CNTN1: variants seen among roughly 807,000 people sequenced by gnomAD.
The protein encoded by CNTN1 is contactin-1.
A neutral mutation model predicts 126.4 loss-of-function variants in CNTN1; 38 were observed. The ratio of observed to expected loss-of-function variants is 0.30; its 90% confidence interval spans 0.23 to 0.39. CNTN1 has a LOEUF of 0.39. Among genes scored for constraint, CNTN1 ranks in the 10% least tolerant of loss-of-function variants. The pLI is 1.00. For synonymous variants in CNTN1, 413 were observed against 422.6 expected (o/e 0.98, Z 0.28); for missense variants, 1,009 against 1,248.4 (o/e 0.81, Z 2.89).
intron 1 of CNTN1, among the ~76,000 whole-genome samples, chr12:40,828,973 C>A (rs371946443): frequency 6.6e-6 from 1 of 151,996 alleles, no homozygotes; most frequent in African/African-American, 2.4e-5. Flanking sequence ...AGTTTTATTT[C>A]TTGTTTTTTT....
At chr12:40,991,553 G>A (rs1266078585) in intron 16 of CNTN1, among the ~76,000 whole-genome samples, 1 of 152,170 alleles carries the variant, frequency 6.6e-6, no homozygotes, top group African/African-American at 2.4e-5. Context: ...ACCTTGGCCG[G>A]GTATGGTGGC....
In CNTN1 at chr12:40,903,216, G is replaced by A. The variant is rs115963965; in HGVS notation, c.-76-5141G>A. On this transcript the variant is annotated intron_variant, in intron 1 of 23. Transcript: ENST00000551295. ...TACCTGGCATAAGGCCTGGCTGGGTGTACAAGAGGTCACAGGGCTCTGAAG... is the reference window on the plus strand; with the variant it reads ...TACCTGGCATAAGGCCTGGCTGGGTATACAAGAGGTCACAGGGCTCTGAAG... 4.3e-3 allele frequency among the ~76,000 whole-genome samples: 657 copies of A among 152,274 alleles called. 4 individuals are homozygous for A. Among genetic ancestry groups the A allele is most frequent in the African/African-American group, 0.015 (615 of 41,554 alleles).
intron 1 of CNTN1, among the ~76,000 whole-genome samples, chr12:40,786,644 TA>T (rs1398597198): frequency 6.6e-6 from 1 of 152,076 alleles, no homozygotes; most frequent in Non-Finnish European, 1.5e-5. Context: ...CAGGATAAAT[TA>T]AAAGAAAATT....
intron 13 of CNTN1, 68 bp from the exon 14 acceptor site, chr12:40,943,927 T>C (rs1946347612): frequency 6.2e-6 from 9 of 1,449,818 alleles, no homozygotes; most frequent in Middle Eastern, 1.8e-4. Context: ...TGGTTATTAT[T>C]TTAATATACC....
intron 1 of CNTN1, among the ~76,000 whole-genome samples, chr12:40,824,605 C>A (rs1941548294): frequency 6.6e-6 from 1 of 152,114 alleles, no homozygotes; most frequent in South Asian, 2.1e-4. Context: ...CCCACAAAAA[C>A]CTAAAGAAAG....
intron 1 of CNTN1, among the ~76,000 whole-genome samples, chr12:40,904,248 G>A (rs1213688843): frequency 6.6e-6 from 1 of 152,006 alleles, no homozygotes; most frequent in African/African-American, 2.4e-5. Flanking sequence ...TCAATCTCCT[G>A]ACCTCGTGAT....
intron 1 of CNTN1, among the ~76,000 whole-genome samples, chr12:40,880,813 C>T (rs1943846088): frequency 1.3e-5 from 2 of 151,948 alleles, no homozygotes; most frequent in Non-Finnish European, 2.9e-5. Context: ...ATTTTCTTCT[C>T]AGGCTCCATG....
intron 12 of CNTN1, 59 bp downstream of exon 12, chr12:40,939,544 G>A (rs1408616467): frequency 1.3e-6 from 2 of 1,578,906 alleles, no homozygotes; most frequent in Admixed American, 1.7e-5. Flanking sequence ...TTATTTTATA[G>A]AAGACTTGTT....
At chr12:40,844,123 A>G (rs1942405172) in intron 1 of CNTN1, among the ~76,000 whole-genome samples, 1 of 120,602 alleles carries the variant, frequency 8.3e-6, no homozygotes. Flanking sequence ...GCTGGAGTGC[A>G]GTGGCACGAT....
chr12:41,030,745 A>G (rs1949129941), intron 23 of CNTN1, among the ~76,000 whole-genome samples: 1 of 152,220 alleles, frequency 6.6e-6, no homozygotes, highest in Admixed American at 6.5e-5. Flanking sequence ...CTTCAAAAAC[A>G]CTTACTAATT....
At chr12:40,967,793 G>A (rs1474134792) in intron 15 of CNTN1, among the ~76,000 whole-genome samples, 1 of 151,832 alleles carries the variant, frequency 6.6e-6, no homozygotes, top group African/African-American at 2.4e-5. Flanking sequence ...TGTGATGTAT[G>A]TTGGTAAAAT....
intron 3 of CNTN1, among the ~76,000 whole-genome samples, chr12:40,917,453 A>C (rs530675337): frequency 1.3e-5 from 2 of 152,288 alleles, no homozygotes; most frequent in South Asian, 2.1e-4. Flanking sequence ...CCAAAGGCAC[A>C]CTGATAATGT....
chr12:40,796,610 A>C (rs901230383), intron 1 of CNTN1, among the ~76,000 whole-genome samples: 11 of 152,104 alleles, frequency 7.2e-5, no homozygotes, highest in African/African-American at 2.7e-4. Flanking sequence ...CAAAATGAAG[A>C]CATCAAGCTG....
At chr12:40,710,233 T>A (rs891008388) in intron 1 of CNTN1, among the ~76,000 whole-genome samples, 2 of 152,052 alleles carry the variant, frequency 1.3e-5, no homozygotes, top group African/African-American at 4.8e-5. Flanking sequence ...AATTTCAATA[T>A]TGTTGTCTCA....
At chr12:40,812,131 T>C (rs1941088229) in intron 1 of CNTN1, among the ~76,000 whole-genome samples, 1 of 152,128 alleles carries the variant, frequency 6.6e-6, no homozygotes, top group South Asian at 2.1e-4. Flanking sequence ...AAGTTATCTT[T>C]TGATTTCTTT....
chr12:40,736,106 CTG>C (rs1199296258), intron 1 of CNTN1, among the ~76,000 whole-genome samples: 1 of 152,022 alleles, frequency 6.6e-6, no homozygotes, highest in Non-Finnish European at 1.5e-5. Context: ...AGGCAGCACT[CTG>C]TGAGCCAGGG....
At chr12:40,959,795 C>A (rs571668103) in intron 15 of CNTN1, among the ~76,000 whole-genome samples, 1 of 152,120 alleles carries the variant, frequency 6.6e-6, no homozygotes, top group East Asian at 1.9e-4. Flanking sequence ...TGGCCGCTGC[C>A]ATAGCAGTGA....
chr12:41,059,411 TAGAAAC>T (rs778448805), intron 23 of CNTN1, among the ~76,000 whole-genome samples: 1 of 152,198 alleles, frequency 6.6e-6, no homozygotes, highest in Non-Finnish European at 1.5e-5. Context: ...TTGAGGCTTT[TAGAAAC>T]CTCTAGTCAT....
At chr12:40,720,700 G>A (rs1222376710) in intron 1 of CNTN1, among the ~76,000 whole-genome samples, 2 of 152,060 alleles carry the variant, frequency 1.3e-5, no homozygotes, top group Non-Finnish European at 2.9e-5. Flanking sequence ...AAGCTAAGGC[G>A]AGTGGATCAC....
Sources: allele counts gnomAD v4.1 joint callset (sites outside exome capture counted in the v4.1 genomes callset), GRCh38; gene constraint gnomAD v4.1.1; transcripts MANE v1.5; gene names NCBI Gene and HGNC (gene_info 2026-07-23, HGNC 2026-07-21).